The following ZNF362 variants were observed in gnomAD, a reference collection of about 807,000 sequenced individuals.
ZNF362 encodes zinc finger protein 362, also known as rotund homolog.
A neutral mutation model predicts 42.9 loss-of-function variants in ZNF362; 11 were observed. The ratio of observed to expected loss-of-function variants is 0.26; its 90% CI spans 0.16 to 0.42. The LOEUF (loss-of-function observed/expected upper bound fraction) is 0.42, where lower values mean the gene tolerates loss of function less well. Ranked by LOEUF, ZNF362 falls within the 20% of genes least tolerant of loss-of-function variation. The pLI, the probability that ZNF362 is intolerant of heterozygous loss-of-function variation, is 1.00. For synonymous variants in ZNF362, 255 were observed against 257.3 expected, an observed-to-expected ratio of 0.99 and a Z score of 0.09; for missense variants, 362 against 576.2, an observed-to-expected ratio of 0.63 and a Z score of 3.81.
At chr1:33,248,930 AC>A in the ZNF362 span, among the ~76,000 whole-genome samples, 1 of 152,156 alleles carries the variant, frequency 6.6e-6, no homozygotes, top group African/African-American at 2.4e-5. Flanking sequence ...AAATATTTCA[AC>A]CTGTTCATTT....
chr1:33,194,707 C>T, the ZNF362 span: 1 of 151,852 alleles, frequency 6.6e-6, no homozygotes, highest in Admixed American at 6.6e-5. Context: ...TTATAATATA[C>T]TATAATGTAC....
the ZNF362 span, among the ~76,000 whole-genome samples, chr1:33,209,791 G>A: frequency 2.5e-4 from 38 of 152,152 alleles, no homozygotes; most frequent in African/African-American, 8.9e-4. Context: ...ATTTTTTATT[G>A]CATCTATTTG....
chr1:33,274,433 T>C (rs1645927711), intron 2 of ZNF362, among the ~76,000 whole-genome samples: 1 of 152,202 alleles, frequency 6.6e-6, no homozygotes, highest in South Asian at 2.1e-4. Context: ...TCGAGTTTGT[T>C]CTGGGAAAGG....
the ZNF362 span, among the ~76,000 whole-genome samples, chr1:33,198,270 T>G: frequency 2.6e-5 from 4 of 152,026 alleles, no homozygotes; most frequent in African/African-American, 4.8e-5. Flanking sequence ...ATCCTAGCAC[T>G]TTGGGAGACC....
At chr1:33,175,050 T>TATGTATATGTA in the ZNF362 span, among the ~76,000 whole-genome samples, 3 of 151,284 alleles carry the variant, frequency 2.0e-5, no homozygotes, top group African/African-American at 7.3e-5. Context: ...TGTATATGTA[T>TATGTATATGTA]TTTTTTTAAG....
At chr1:33,181,584 C>T in the ZNF362 span, 3 of 1,348,096 alleles carry the variant, frequency 2.2e-6, no homozygotes, top group South Asian at 4.7e-5. The surrounding 1 kb of genome is among the most constrained non-coding windows in gnomAD (Gnocchi z 6.5). Context: ...GGGTGCTGTC[C>T]GGAAGGAGGG....
At chr1:33,146,797 G>A in the ZNF362 span, 6 of 275,626 alleles carry the variant, frequency 2.2e-5, no homozygotes, top group East Asian at 3.4e-4. Context: ...TGTGTCTTTC[G>A]GGCTGCCAAC....
chr1:33,205,045 A>T, the ZNF362 span, among the ~76,000 whole-genome samples: 17 of 152,188 alleles, frequency 1.1e-4, no homozygotes. Context: ...CCATGTTCTT[A>T]GATTAGAAGA....
At chr1:33,190,658 T>G in the ZNF362 span, among the ~76,000 whole-genome samples, 1 of 152,232 alleles carries the variant, frequency 6.6e-6, no homozygotes, top group African/African-American at 2.4e-5. Context: ...CTACATTGTT[T>G]ATTGTAACTC....
At chr1:33,275,686 T>G (rs1157620738) in intron 2 of ZNF362, among the ~76,000 whole-genome samples, 1 of 152,152 alleles carries the variant, frequency 6.6e-6, no homozygotes, top group Non-Finnish European at 1.5e-5. Flanking sequence ...GATGGGCATT[T>G]ACAAATTTGC....
chr1:33,223,591 A>G, the ZNF362 span, among the ~76,000 whole-genome samples: 3 of 152,184 alleles, frequency 2.0e-5, no homozygotes, highest in Admixed American at 6.5e-5. Flanking sequence ...TAGATTAGCC[A>G]TCATAAAGAC....
At chr1:33,286,846 C>G (rs1235870826) in intron 6 of ZNF362, among the ~76,000 whole-genome samples, 1 of 152,104 alleles carries the variant, frequency 6.6e-6, no homozygotes, top group Non-Finnish European at 1.5e-5. Flanking sequence ...TCCATCTTCC[C>G]AATGTTACAG....
Position 33,265,810 on chromosome 1 carries a change from C to G in ZNF362, c.-88-4677C>G, listed in dbSNP as rs181737197. On this transcript the variant is annotated intron_variant, in intron 1 of 8. Transcript: ENST00000539719. ...TTGCTCAGGGACCTCCCATGTCCCC[C>G]CTATGTTCTTTCACCGGAGCACCTT... Among the ~76,000 whole-genome samples the G allele has an allele frequency of 5.2e-4, 79 of 152,236 alleles. 1 individual carries two copies. Among genetic ancestry groups the G allele is most frequent in the African/African-American group, 1.8e-3 (73 of 41,540 alleles).
chr1:33,198,858 C>T, the ZNF362 span, among the ~76,000 whole-genome samples: 7 of 152,222 alleles, frequency 4.6e-5, no homozygotes, highest in African/African-American at 1.7e-4. Flanking sequence ...TCAAATCAAA[C>T]ATCCAAACAT....
the ZNF362 span, among the ~76,000 whole-genome samples, chr1:33,236,548 A>ATAT: frequency 4.0e-3 from 24 of 5,998 alleles, no homozygotes; most frequent in African/African-American, 6.2e-3. Context: ...AAAAAAAAAA[A>ATAT]AAATATATAT....
the ZNF362 span, among the ~76,000 whole-genome samples, chr1:33,149,652 G>A: frequency 1.3e-5 from 2 of 151,756 alleles, no homozygotes; most frequent in African/African-American, 4.8e-5. Flanking sequence ...ATGAGGTTTC[G>A]CAATGTTGGC....
At chr1:33,186,056 A>G in the ZNF362 span, among the ~76,000 whole-genome samples, 1 of 152,164 alleles carries the variant, frequency 6.6e-6, no homozygotes, top group African/African-American at 2.4e-5. Flanking sequence ...TATTTGCAAA[A>G]TCACCTACTT....
At chr1:33,151,809 C>T in the ZNF362 span, among the ~76,000 whole-genome samples, 139,941 of 152,266 alleles carry the variant, frequency 0.92, 65,037 homozygotes, top group Non-Finnish European at 0.99. Flanking sequence ...AGATGTTTCC[C>T]GGCCACCACT....
chr1:33,227,441 G>C, the ZNF362 span, among the ~76,000 whole-genome samples: 2 of 152,094 alleles, frequency 1.3e-5, no homozygotes, highest in Non-Finnish European at 1.5e-5. Flanking sequence ...CATGCTATAA[G>C]AAGCCCAAGC....
Sources: allele counts gnomAD v4.1 joint callset (sites outside exome capture counted in the v4.1 genomes callset), GRCh38; gene constraint gnomAD v4.1.1; non-coding constraint Gnocchi (gnomAD v3.1); transcripts MANE v1.5; gene names NCBI Gene and HGNC (gene_info 2026-07-23, HGNC 2026-07-21).